CROT: variants seen among roughly 807,000 people sequenced by gnomAD.
The protein encoded by CROT is peroxisomal carnitine O-octanoyltransferase.
In CROT, 84 loss-of-function variants were observed where a neutral mutation model predicts 89.2. The ratio of observed to expected loss-of-function variants is 0.94; its 90% CI spans 0.79 to 1.13. The LOEUF (loss-of-function observed/expected upper bound fraction) is 1.13. Ranked by LOEUF, CROT falls within the 50% of genes most tolerant of loss-of-function variation. The pLI is 0.00. For missense variants in CROT, 711 were observed against 727.8 expected, an observed-to-expected ratio of 0.98 and a Z score of 0.27; for synonymous variants, 212 against 239.5, an observed-to-expected ratio of 0.89 and a Z score of 1.06.
Position 87,392,952 on chromosome 7 carries a change from G to A in CROT, c.1603G>A (p.Gly535Arg). Residue 535 changes from glycine to arginine, a missense_variant, in exon 17 of 18, where the codon GGA becomes AGA. By Grantham distance (125) the Gly-to-Arg change is moderately radical. Transcript: ENST00000331536. Reference sequence around the variant, plus strand: ...TTCTTTTATTGTGCCACACAGCGGAGGAGGTGGAAATTTTGTTCTCTCAAC... The same window carrying A: ...TTCTTTTATTGTGCCACACAGCGGAAGAGGTGGAAATTTTGTTCTCTCAAC... ...FTDPLFSKSGGGGNFVLSTSL... is the reference protein window; with the variant it reads ...FTDPLFSKSGRGGNFVLSTSL... The A allele has an allele frequency of 6.2e-7, 1 of 1,613,604 alleles. No homozygotes were observed. The highest frequency in any genetic ancestry group is 8.5e-7 in the Non-Finnish European group (1 of 1,179,690).
intron 3 of CROT, among the ~76,000 whole-genome samples, chr7:87,358,770 G>A (rs1248362971): frequency 6.6e-6 from 1 of 152,126 alleles, no homozygotes; most frequent in Admixed American, 6.5e-5. Flanking sequence ...TGGAAGTAGG[G>A]ACAGGAGAGG....
At position 87,382,173 on chromosome 7, in the gene CROT, C is replaced by T. The variant is rs754718371; in HGVS notation, c.1162C>T (p.Leu388Phe). 1 of 1,603,164 alleles carries T rather than the reference C, an allele frequency of 6.2e-7. No homozygotes were observed. Among genetic ancestry groups the T allele is most frequent in the Non-Finnish European group, 8.5e-7 (1 of 1,172,338 alleles). ...NDINQAKAQY[L>F]REASDLQIAA... ...CATCAACCAAGCTAAAGCCCAGTAT[C>T]TCAGGGAGGTATATTTTTCACTTTT... The change falls in exon 12 of 18, where the codon CTC becomes TTC. Residue 388 changes from leucine to phenylalanine, a missense_variant. Physicochemically the swap from Leu to Phe is conservative, Grantham distance 22. Coordinates refer to ENST00000331536, the MANE Select transcript of CROT (RefSeq NM_021151.4).
rs140969705 is a variant in CROT at position 87,357,680 on chromosome 7, G to C, written c.116-1526G>C. Reference sequence around the variant, plus strand: ...GTCCTCAGAGGGCAAGCAAAGGAAGGCACCATCCTTATTTTAAGTTTTTCT... The same window carrying C: ...GTCCTCAGAGGGCAAGCAAAGGAAGCCACCATCCTTATTTTAAGTTTTTCT... On this transcript the variant is annotated intron_variant, in intron 3 of 17. Transcript: ENST00000331536. 2,588 of 642,410 alleles carry C rather than the reference G, an allele frequency of 4.0e-3. 8 individuals carry two copies. Among genetic ancestry groups the C allele is most frequent in the Non-Finnish European group, 6.0e-3 (2,150 of 360,696 alleles). The allele number at this position is 642,410 out of a possible 1,614,324, so 39.8% of individuals were successfully genotyped here.
At chr7:87,354,783 T>C (rs907617454) in intron 3 of CROT, among the ~76,000 whole-genome samples, 1 of 152,198 alleles carries the variant, frequency 6.6e-6, no homozygotes, top group Non-Finnish European at 1.5e-5. Context: ...TGTAATTTTA[T>C]TAAGAGCAGA....
At chr7:87,358,678 T>A (rs1806178417) in intron 3 of CROT, among the ~76,000 whole-genome samples, 1 of 152,098 alleles carries the variant, frequency 6.6e-6, no homozygotes, top group South Asian at 2.1e-4. Flanking sequence ...ATCATAAAAA[T>A]CTTCATCCTG....
At chr7:87,387,610 G>A (rs901692713) in intron 13 of CROT, among the ~76,000 whole-genome samples, 10 of 151,902 alleles carry the variant, frequency 6.6e-5, no homozygotes, top group Non-Finnish European at 1.3e-4. Context: ...ATTATATATT[G>A]TATTCTTACA....
At chr7:87,380,113 AAAT>A (rs1165977929) in intron 10 of CROT, among the ~76,000 whole-genome samples, 1 of 152,174 alleles carries the variant, frequency 6.6e-6, no homozygotes, top group Admixed American at 6.5e-5. Context: ...CCTGTCCCAA[AAAT>A]AATAATAAGA....
intron 8 of CROT, 37 bp from the exon 9 acceptor site, chr7:87,375,791 A>C: frequency 6.2e-7 from 1 of 1,612,716 alleles, no homozygotes; most frequent in Non-Finnish European, 8.5e-7. Context: ...ATTGTATTTC[A>C]GTTGTAATAT....
At chr7:87,393,613 A>C (rs1238647754) in intron 17 of CROT, among the ~76,000 whole-genome samples, 1 of 152,170 alleles carries the variant, frequency 6.6e-6, no homozygotes, top group Non-Finnish European at 1.5e-5. Context: ...TGAAAGTGAT[A>C]GCAAGGCTTG....
At chr7:87,376,610 A>T (rs967438135) in intron 9 of CROT, among the ~76,000 whole-genome samples, 1 of 152,000 alleles carries the variant, frequency 6.6e-6, no homozygotes, top group Non-Finnish European at 1.5e-5. Flanking sequence ...CAAGGATTGG[A>T]AAACCTTGTA....
chr7:87,355,452 G>C (rs1806033787), intron 3 of CROT, among the ~76,000 whole-genome samples: 1 of 151,914 alleles, frequency 6.6e-6, no homozygotes, highest in Non-Finnish European at 1.5e-5. Context: ...CTCCCTACTT[G>C]TTCCTTTTTA....
chr7:87,388,251 C>A (rs1439887662), intron 13 of CROT, among the ~76,000 whole-genome samples: 1 of 151,738 alleles, frequency 6.6e-6, no homozygotes, highest in Non-Finnish European at 1.5e-5. Context: ...TACTGACTTT[C>A]TTCAGAAAAT....
chr7:87,345,855 T>C, intron 1 of CROT, 88 bp downstream of exon 1: 1 of 168,558 alleles, frequency 5.9e-6, no homozygotes, highest in Non-Finnish European at 1.3e-5. Context: ...CAAAGGTGCC[T>C]GGATTTGGTG....
intron 7 of CROT, among the ~76,000 whole-genome samples, chr7:87,372,016 A>C (rs1264448325): frequency 2.0e-5 from 3 of 151,462 alleles, no homozygotes; most frequent in African/African-American, 7.3e-5. Context: ...ACAAAAAAAA[A>C]AAAACAAAAA....
chr7:87,362,497 T>C (rs1050716740), intron 6 of CROT, among the ~76,000 whole-genome samples: 6 of 152,048 alleles, frequency 3.9e-5, no homozygotes, highest in African/African-American at 1.4e-4. Flanking sequence ...AGTTTCACCA[T>C]GATGCCCAGG....
intron 13 of CROT, among the ~76,000 whole-genome samples, chr7:87,391,030 G>C (rs926981739): frequency 3.3e-5 from 5 of 152,202 alleles, no homozygotes; most frequent in Admixed American, 1.3e-4. Context: ...CTGCTCTCCT[G>C]AGGGTAGGTC....
At chr7:87,379,431 G>C (rs1239058849) in intron 10 of CROT, among the ~76,000 whole-genome samples, 2 of 152,138 alleles carry the variant, frequency 1.3e-5, no homozygotes, top group African/African-American at 4.8e-5. Flanking sequence ...ATAAGAGTAA[G>C]TCAATCTCAT....
At position 87,398,741 on chromosome 7, in the gene CROT, T is replaced by TC; in HGVS notation, c.*97_*98insC. ...GAGATGGGAAGGAATGTTGACTTGCTAACATTCCTTTAACAAGTTAAGAAA... is the reference window on the plus strand; with the variant it reads ...GAGATGGGAAGGAATGTTGACTTGCTCAACATTCCTTTAACAAGTTAAGAAA... On this transcript the variant is annotated 3_prime_UTR_variant, in exon 18 of 18. Transcript: ENST00000331536. 9 of 1,152,826 alleles carry TC rather than the reference T, an allele frequency of 7.8e-6. No homozygotes were observed. Among genetic ancestry groups the TC allele is most frequent in the South Asian group, 1.5e-5 (1 of 67,486 alleles). 71.4% of individuals were successfully genotyped at this position (1,152,826 alleles called of 1,614,324 possible).
At position 87,382,167 on chromosome 7, in the gene CROT, C is replaced by CAGT. The variant is rs751022524; in HGVS notation, c.1158_1160dup (p.Gln386_Tyr387insTer). On this transcript the variant is annotated stop_gained and inframe_insertion, in exon 12 of 18. Coordinates refer to ENST00000331536, the MANE Select transcript of CROT (RefSeq NM_021151.4). LOFTEE classifies it high-confidence loss of function. ...AAATGACATCAACCAAGCTAAAGCC[C>CAGT]AGTATCTCAGGGAGGTATATTTTTC... The CAGT allele has an allele frequency of 6.2e-7, 1 of 1,608,694 alleles. No individual in the cohort carries two copies. Among genetic ancestry groups the CAGT allele is most frequent in the Admixed American group, 1.7e-5 (1 of 59,954 alleles).
Sources: gnomAD v4.1 joint callset for allele counts (sites outside exome capture counted in the v4.1 genomes callset) on GRCh38, gnomAD v4.1.1 for gene constraint, MANE v1.5 for transcripts, NCBI Gene and HGNC (gene_info 2026-07-23, HGNC 2026-07-21) for gene names.